SLIT3: variants seen among roughly 807,000 people sequenced by gnomAD.
SLIT3 encodes the protein slit guidance ligand 3, also known as slit homolog 3 protein.
Under a neutral mutation model 184.0 loss-of-function variants are expected in SLIT3, and 68 were observed. The ratio of observed to expected loss-of-function variants is 0.37; its 90% confidence interval spans 0.30 to 0.45. SLIT3 has a LOEUF of 0.45. Ranked by LOEUF, SLIT3 falls within the 20% of genes least tolerant of loss-of-function variation. The probability of loss-of-function intolerance (pLI) is 1.00; values close to 1 mark genes in which losing one functional copy is unlikely to be tolerated. For synonymous variants in SLIT3, 831 were observed against 828.6 expected (o/e 1.00, Z -0.05); for missense variants, 1,707 against 2,026.0 (o/e 0.84, Z 3.02).
chr5:168,823,377 G>A (rs10041941), intron 6 of SLIT3, 46 bp from the exon 7 acceptor site: 1 of 1,398,610 alleles, frequency 7.1e-7, no homozygotes, highest in African/African-American at 1.4e-5. Context: ...AGCAGCAGGG[G>A]AGGCACCAAG....
At chr5:168,966,088 C>A (rs1156850506) in intron 4 of SLIT3, among the ~76,000 whole-genome samples, 2 of 152,238 alleles carry the variant, frequency 1.3e-5, no homozygotes, top group African/African-American at 2.4e-5. Context: ...AATTTTATTA[C>A]CTTCCGGGAA....
At chr5:168,832,335 AAG>A (rs1394753717) in intron 6 of SLIT3, among the ~76,000 whole-genome samples, 1 of 152,252 alleles carries the variant, frequency 6.6e-6, no homozygotes. Context: ...CCTAGCCAGT[AAG>A]AGAGGAAGAA....
chr5:169,037,760 C>A (rs1049234825), intron 4 of SLIT3: 1 of 152,254 alleles, frequency 6.6e-6, no homozygotes, highest in East Asian at 1.9e-4. Context: ...AGGCCTGGGA[C>A]GCAGGGGAAA....
At chr5:169,224,169 G>C (rs1230055584) in intron 3 of SLIT3, among the ~76,000 whole-genome samples, 1 of 151,996 alleles carries the variant, frequency 6.6e-6, no homozygotes, top group African/African-American at 2.4e-5. Context: ...CTGGTAGAAT[G>C]GGATGATAAT....
chr5:169,254,750 G>A (rs915248527), intron 1 of SLIT3, among the ~76,000 whole-genome samples: 1 of 152,258 alleles, frequency 6.6e-6, no homozygotes, highest in Non-Finnish European at 1.5e-5. Context: ...GGAAGAGGAT[G>A]AGGATGAGGG....
chr5:168,730,611 G>A (rs778680816), intron 20 of SLIT3, among the ~76,000 whole-genome samples: 4 of 151,564 alleles, frequency 2.6e-5, no homozygotes, highest in African/African-American at 7.3e-5. Flanking sequence ...ATTAAACAGC[G>A]TGCTCTTGAA....
intron 29 of SLIT3, among the ~76,000 whole-genome samples, chr5:168,690,492 G>C (rs1761873236): frequency 6.6e-6 from 1 of 152,160 alleles, no homozygotes; most frequent in Non-Finnish European, 1.5e-5. Context: ...AGAGCACTCT[G>C]CTTGCCTGGC....
At chr5:168,742,855 C>T (rs1353471753) in intron 20 of SLIT3, among the ~76,000 whole-genome samples, 1 of 151,242 alleles carries the variant, frequency 6.6e-6, no homozygotes, top group Admixed American at 6.6e-5. Flanking sequence ...TGCAATGATA[C>T]TGTCAGAATG....
At chr5:169,090,682 G>A (rs10039478) in intron 4 of SLIT3, among the ~76,000 whole-genome samples, 3,382 of 152,308 alleles carry the variant, frequency 0.022, 130 homozygotes, top group African/African-American at 0.078. Flanking sequence ...GGGTTTTCTG[G>A]ATGGGCTTCA....
chr5:168,967,644 T>G (rs1380308792), intron 4 of SLIT3, among the ~76,000 whole-genome samples: 2 of 148,248 alleles, frequency 1.3e-5, no homozygotes, highest in Non-Finnish European at 3.0e-5. Context: ...GTTTCACCGT[T>G]TTAGCCGGGA....
Position 168,786,124 on chromosome 5 carries a change from G to T in SLIT3, c.1080-146C>A, listed in dbSNP as rs578246466. 7.3e-5 allele frequency: 45 copies of T among 620,018 alleles called. 1 individual carries two copies. The South Asian group carries it at 8.8e-4, about 12-fold the overall frequency. The allele number at this position is 620,018 out of a possible 1,614,324, so 38.4% of individuals were successfully genotyped here. On this transcript the variant is annotated intron_variant, in intron 11 of 35. Coordinates refer to ENST00000519560, the MANE Select transcript of SLIT3 (RefSeq NM_003062.4). ...CGGCCTGCCTAATCCCTTCTCATCA[G>T]CGAGACAGAGGCAGCCAAGAGCAGC...
At chr5:168,724,738 T>C (rs994957207) in intron 20 of SLIT3, among the ~76,000 whole-genome samples, 1 of 151,690 alleles carries the variant, frequency 6.6e-6, no homozygotes, top group African/African-American at 2.4e-5. Flanking sequence ...TGCCCACCGT[T>C]GGATCCCCCC....
intron 20 of SLIT3, among the ~76,000 whole-genome samples, chr5:168,744,796 A>T (rs1235749489): frequency 5.3e-5 from 8 of 152,234 alleles, no homozygotes; most frequent in Non-Finnish European, 8.8e-5. Flanking sequence ...CTGACAATGT[A>T]CCTGGTCATC....
At chr5:169,179,427 G>T (rs1175585675) in intron 4 of SLIT3, among the ~76,000 whole-genome samples, 2 of 152,126 alleles carry the variant, frequency 1.3e-5, no homozygotes, top group Non-Finnish European at 2.9e-5. Flanking sequence ...ATGAGGCCTA[G>T]AGATGAAGCC....
At position 168,823,365 on chromosome 5, in the gene SLIT3, G is replaced by A. The variant is rs757692252; in HGVS notation, c.558-34C>T. On this transcript the variant is annotated intron_variant, in intron 6 of 35. Transcript: ENST00000519560. The stretch of plus-strand genomic sequence containing the variant: ...ATAGACAAGGGAGATGGTCAGCCAG[G>A]CAGCAGCAGGGGAGGCACCAAGATG... The A allele has an allele frequency of 6.6e-6, 10 of 1,521,806 alleles. No homozygotes were observed. In the East Asian group the frequency reaches 2.0e-4, roughly 31 times the overall value. The allele number at this position is 1,521,806 out of a possible 1,614,324, so 94.3% of individuals were successfully genotyped here.
At chr5:169,279,481 A>G (rs908065216) in intron 1 of SLIT3, among the ~76,000 whole-genome samples, 3 of 152,196 alleles carry the variant, frequency 2.0e-5, no homozygotes, top group African/African-American at 7.2e-5. Context: ...CAGAAAAGGA[A>G]GAGAAAGAGA....
chr5:169,150,057 G>A (rs536335415), intron 4 of SLIT3, among the ~76,000 whole-genome samples: 1 of 152,278 alleles, frequency 6.6e-6, no homozygotes, highest in East Asian at 1.9e-4. Context: ...GAAGTTAGAT[G>A]CCAAAACCAG....
chr5:169,084,300 T>C (rs1271855760), intron 4 of SLIT3, among the ~76,000 whole-genome samples: 1 of 151,596 alleles, frequency 6.6e-6, no homozygotes, highest in Non-Finnish European at 1.5e-5. Context: ...TTTTTTTTTT[T>C]TTTGAGACAG....
chr5:168,856,938 T>A (rs542306356), intron 5 of SLIT3, among the ~76,000 whole-genome samples: 9 of 151,914 alleles, frequency 5.9e-5, no homozygotes, highest in Non-Finnish European at 1.5e-5. Context: ...AGGCCTCTGG[T>A]CTGGGTGGGC....
Sources: allele counts gnomAD v4.1 joint callset (sites outside exome capture counted in the v4.1 genomes callset), GRCh38; gene constraint gnomAD v4.1.1; transcripts MANE v1.5; gene names NCBI Gene and HGNC (gene_info 2026-07-23, HGNC 2026-07-21).